The following GPC6 variants were observed in gnomAD, a reference collection of about 807,000 sequenced individuals.
GPC6 encodes the protein glypican-6.
A neutral mutation model predicts 55.2 loss-of-function variants in GPC6; 14 were observed. The ratio of observed to expected loss-of-function variants is 0.25; its 90% CI spans 0.17 to 0.40. The LOEUF (loss-of-function observed/expected upper bound fraction) is 0.40. GPC6 is among the 10% of genes least tolerant of loss of function. GPC6 has a pLI of 1.00. For missense variants in GPC6, 641 were observed against 708.5 expected (o/e 0.90, Z 1.08); for synonymous variants, 278 against 259.6 (o/e 1.07, Z -0.68).
At position 93,822,392 on chromosome 13, in the gene GPC6, G is replaced by T. The variant is rs182633227; in HGVS notation, c.320-7762G>T. 3.2e-3 allele frequency among the ~76,000 whole-genome samples: 487 copies of T among 152,182 alleles called. 3 individuals carry two copies. Among genetic ancestry groups the T allele is most frequent in the Middle Eastern group, 0.01 (3 of 294 alleles). ...GGTTTGAGCATGCTCTCCAGGCTCG[G>T]TTATCTGCATTAACTACTTAATATT... On this transcript the variant is annotated intron_variant, in intron 2 of 8. Coordinates refer to ENST00000377047, the MANE Select transcript of GPC6 (RefSeq NM_005708.5).
chr13:94,090,240 C>G (rs1178686603), intron 4 of GPC6, among the ~76,000 whole-genome samples: 1 of 152,062 alleles, frequency 6.6e-6, no homozygotes, highest in Admixed American at 6.6e-5. Context: ...TCTCGTGAGA[C>G]TTACTGTCAT....
At chr13:93,363,126 TTTGTTTTTTTTA>T (rs748217069) in intron 1 of GPC6, among the ~76,000 whole-genome samples, 4,857 of 147,880 alleles carry the variant, frequency 0.033, 302 homozygotes, top group African/African-American at 0.12. Flanking sequence ...TGTTTTTTTT[TTTGTTTTTTTTA>T]AAATTATTAT....
chr13:93,839,639 C>T, intron 3 of GPC6, among the ~76,000 whole-genome samples: 1 of 152,066 alleles, frequency 6.6e-6, no homozygotes, highest in East Asian at 1.9e-4. Flanking sequence ...GGAGGGTAGG[C>T]AAGGTATGTG....
chr13:94,396,248 GCTGT>G (rs1487795959), intron 7 of GPC6, among the ~76,000 whole-genome samples: 6 of 152,158 alleles, frequency 3.9e-5, no homozygotes, highest in African/African-American at 1.4e-4. Context: ...CTTTGAGTGT[GCTGT>G]CTGTTTCTTA....
intron 2 of GPC6, among the ~76,000 whole-genome samples, chr13:93,750,375 G>A (rs550956759): frequency 2.6e-5 from 4 of 152,126 alleles, no homozygotes; most frequent in Admixed American, 6.6e-5. Context: ...ATGAATATTG[G>A]ATCTGCTATT....
intron 5 of GPC6, among the ~76,000 whole-genome samples, chr13:94,302,279 C>T (rs1875690763): frequency 6.6e-6 from 1 of 152,154 alleles, no homozygotes; most frequent in Non-Finnish European, 1.5e-5. Context: ...TGGTGAGGAC[C>T]TGCATGGTGT....
At chr13:93,341,478 T>C (rs1880252437) in intron 1 of GPC6, among the ~76,000 whole-genome samples, 1 of 152,216 alleles carries the variant, frequency 6.6e-6, no homozygotes, top group South Asian at 2.1e-4. Flanking sequence ...TGGTTTTAAT[T>C]TGCATATCCC....
In GPC6 at chr13:94,403,395, C is replaced by A. The variant is rs1881235755; in HGVS notation, c.*178C>A. 9.0e-6 allele frequency: 6 copies of A among 664,160 alleles called. No individual in the cohort carries two copies. Among genetic ancestry groups the A allele is most frequent in the Non-Finnish European group, 1.4e-5 (5 of 364,720 alleles). 41.1% of individuals were successfully genotyped at this position (664,160 alleles called of 1,614,324 possible). The stretch of plus-strand genomic sequence containing the variant: ...TTCCCAAAGAGTACCGGGTGCCAGA[C>A]TGAACTGCTTCCTCTTTCCTTCAGC... On this transcript the variant is annotated 3_prime_UTR_variant, in exon 9 of 9. Coordinates refer to ENST00000377047, the MANE Select transcript of GPC6 (RefSeq NM_005708.5).
In GPC6 at chr13:94,197,031, T is replaced by TG. The variant is rs564120175; in HGVS notation, c.878-89315dup. Reference sequence around the variant, plus strand: ...TTCTATAACAAATGATGTCAAAATGTGGGTTTTTTTTAACACATTGATACC... The same window carrying TG: ...TTCTATAACAAATGATGTCAAAATGTGGGGTTTTTTTTAACACATTGATACC... On this transcript the variant is annotated intron_variant, in intron 4 of 8. Transcript: ENST00000377047. Among the ~76,000 whole-genome samples the TG allele has an allele frequency of 1.7e-3, 254 of 148,770 alleles. 1 individual carries two copies. The highest frequency in any genetic ancestry group is 8.2e-3 in the South Asian group (37 of 4,504).
intron 2 of GPC6, among the ~76,000 whole-genome samples, chr13:93,591,741 A>G (rs891515753): frequency 6.6e-6 from 1 of 152,208 alleles, no homozygotes; most frequent in African/African-American, 2.4e-5. Flanking sequence ...GCAATAAAAC[A>G]TAGAGATATT....
chr13:94,223,863 T>C (rs1311786681), intron 4 of GPC6, among the ~76,000 whole-genome samples: 1 of 152,162 alleles, frequency 6.6e-6, no homozygotes, highest in African/African-American at 2.4e-5. Flanking sequence ...AAAATCTGTA[T>C]TTGCAGAGCT....
chr13:93,989,904 ATATATATATACACACATATATATATATG>A (rs1566636955), intron 3 of GPC6, among the ~76,000 whole-genome samples: 203 of 135,240 alleles, frequency 1.5e-3, no homozygotes, highest in Admixed American at 7.1e-3. Flanking sequence ...GTGTGTGTGT[ATATATATATACACACATATATATATATG>A]TATATATATA....
At chr13:93,829,730 TG>T (rs1887408604) in intron 2 of GPC6, among the ~76,000 whole-genome samples, 1 of 152,204 alleles carries the variant, frequency 6.6e-6, no homozygotes, top group Non-Finnish European at 1.5e-5. Context: ...AGCAATTTAA[TG>T]GAATTTAGTG....
At chr13:94,182,201 ATTTT>A (rs34280963) in intron 4 of GPC6, among the ~76,000 whole-genome samples, 1 of 148,252 alleles carries the variant, frequency 6.7e-6, no homozygotes, top group African/African-American at 2.5e-5. Context: ...TAGGTCTCAG[ATTTT>A]TTTTTTTTTA....
rs143105110 is a variant in GPC6 at position 94,108,838 on chromosome 13, G to A, written c.877+80944G>A. On this transcript the variant is annotated intron_variant, in intron 4 of 8. Transcript: ENST00000377047. Reference sequence around the variant, plus strand: ...GCCTGAGCAACAAGAGCGAGACTCCGTCTCAAAAAAAAAAACAAAAAAAAA... The same window carrying A: ...GCCTGAGCAACAAGAGCGAGACTCCATCTCAAAAAAAAAAACAAAAAAAAA... Among the ~76,000 whole-genome samples, 568 of 141,270 alleles carry A rather than the reference G, an allele frequency of 4.0e-3. 5 individuals are homozygous for A. Among genetic ancestry groups the A allele is most frequent in the African/African-American group, 0.014 (519 of 37,756 alleles). 92.7% of individuals were successfully genotyped at this position (141,270 alleles called of 152,430 possible).
At chr13:93,989,240 T>C (rs895675545) in intron 3 of GPC6, among the ~76,000 whole-genome samples, 1 of 152,194 alleles carries the variant, frequency 6.6e-6, no homozygotes, top group African/African-American at 2.4e-5. Context: ...ACCTCATAGG[T>C]TGTACATGTC....
chr13:93,632,615 A>ATATGTATATGTGTGTATATATATGTGTG (rs1555318422), intron 2 of GPC6, among the ~76,000 whole-genome samples: 3 of 109,702 alleles, frequency 2.7e-5, no homozygotes, highest in African/African-American at 5.7e-5. Flanking sequence ...GTGTATATAT[A>ATATGTATATGTGTGTATATATATGTGTG]TGTATATATA....
At chr13:93,835,764 A>T (rs1302342811) in intron 3 of GPC6, among the ~76,000 whole-genome samples, 3 of 152,128 alleles carry the variant, frequency 2.0e-5, no homozygotes, top group African/African-American at 4.8e-5. Context: ...ATAAATAAAT[A>T]AATAAATAAA....
chr13:93,375,276 G>T (rs934208122), intron 1 of GPC6, among the ~76,000 whole-genome samples: 4 of 152,198 alleles, frequency 2.6e-5, no homozygotes, highest in African/African-American at 9.6e-5. Flanking sequence ...TGATGCCTTT[G>T]TGTGCGGTAA....
Sources: gnomAD v4.1 joint callset for allele counts (sites outside exome capture counted in the v4.1 genomes callset) on GRCh38, gnomAD v4.1.1 for gene constraint, MANE v1.5 for transcripts, NCBI Gene and HGNC (gene_info 2026-07-23, HGNC 2026-07-21) for gene names.